WDR44: variants seen among roughly 807,000 people sequenced by gnomAD.
The protein encoded by WDR44 is WD repeat-containing protein 44.
In WDR44, 9 loss-of-function variants were observed where a neutral mutation model predicts 65.7. That is an observed-to-expected ratio of 0.14 (90% CI 0.08 to 0.24). The LOEUF (loss-of-function observed/expected upper bound fraction) is 0.24. WDR44 is among the 10% of genes least tolerant of loss of function. The probability of loss-of-function intolerance (pLI) is 1.00; values close to 1 mark genes in which losing one functional copy is unlikely to be tolerated. For synonymous variants in WDR44, 220 were observed against 235.2 expected (o/e 0.94, Z 0.59); for missense variants, 425 against 670.9 (o/e 0.63, Z 4.05).
chrX:118,393,589 T>G (rs757218119), intron 4 of WDR44, among the ~76,000 whole-genome samples: 47 of 94,092 alleles, frequency 5.0e-4, no homozygotes, highest in Non-Finnish European at 7.4e-4. Context: ...TGAAATCTTG[T>G]CTCAAAAAAA....
At chrX:118,418,496 G>A (rs1005919913) in intron 12 of WDR44, among the ~76,000 whole-genome samples, 2 of 111,441 alleles carry the variant, frequency 1.8e-5, no homozygotes, top group South Asian at 3.8e-4. Context: ...CTCTGAGCTG[G>A]TACTGGAGGT....
intron 1 of WDR44, among the ~76,000 whole-genome samples, chrX:118,363,662 C>T (rs1011965405): frequency 9.0e-6 from 1 of 111,097 alleles, no homozygotes; most frequent in African/African-American, 3.3e-5. Context: ...TTCATAATTA[C>T]GTGTACACAT....
At chrX:118,427,296 A>C (rs898060715) in intron 12 of WDR44, among the ~76,000 whole-genome samples, 1 of 88,512 alleles carries the variant, frequency 1.1e-5, no homozygotes, top group East Asian at 3.6e-4. Context: ...TTGGGGACGG[A>C]GTCTTGCTCT....
intron 1 of WDR44, among the ~76,000 whole-genome samples, chrX:118,349,479 G>A (rs1337575170): frequency 2.7e-5 from 3 of 109,962 alleles, no homozygotes; most frequent in South Asian, 7.7e-4. Flanking sequence ...CTCCCAGGGC[G>A]CTGGGATTAC....
intron 1 of WDR44, among the ~76,000 whole-genome samples, chrX:118,361,731 C>G (rs147102473): frequency 0.013 from 1,495 of 111,635 alleles, 30 homozygotes; most frequent in African/African-American, 0.046. Context: ...GCACTACAGT[C>G]TGGGAAACAG....
rs748449809 is a variant in WDR44 at position 118,387,318 on chromosome X, ATTTC to A, written c.112-18_112-15del. ...GAAAAGATGTCATCATTTGGTCTCT[ATTTC>A]TTTTCTTTTTCAAACAGGAAACAGA... On this transcript the variant is annotated intron_variant, in intron 2 of 19. Transcript: ENST00000254029. 6.2e-6 allele frequency: 7 copies of A among 1,123,675 alleles called. No individual in the cohort carries two copies. The Admixed American group carries it at 1.5e-4, about 24-fold the overall frequency. 92.6% of individuals were successfully genotyped at this position (1,123,675 alleles called of 1,213,427 possible). A position where few individuals can be genotyped will look rare whatever the true frequency, so the allele number is the denominator to read the frequency against.
chrX:118,396,539 TGTTAA>T (rs1279384124), intron 6 of WDR44, among the ~76,000 whole-genome samples: 1 of 112,273 alleles, frequency 8.9e-6, no homozygotes, highest in East Asian at 2.8e-4. Flanking sequence ...GAAAACATCA[TGTTAA>T]GTTAAAGAAA....
At chrX:118,410,110 T>A (rs2147720865) in intron 11 of WDR44, among the ~76,000 whole-genome samples, 1 of 112,364 alleles carries the variant, frequency 8.9e-6, no homozygotes, top group African/African-American at 3.2e-5. Flanking sequence ...CAGATATTTA[T>A]GTATCATGGT....
chrX:118,349,597 G>A (rs1434747095), intron 1 of WDR44, among the ~76,000 whole-genome samples: 4 of 106,280 alleles, frequency 3.8e-5, no homozygotes, highest in African/African-American at 6.9e-5. Flanking sequence ...TCGCTCTGTC[G>A]CCCAGGCTGG....
intron 12 of WDR44, among the ~76,000 whole-genome samples, chrX:118,430,315 T>G (rs5956988): frequency 0.45 from 44,040 of 97,785 alleles, 10,156 homozygotes; most frequent in African/African-American, 0.84. Context: ...AGGCCGAGGC[T>G]GGTGGATCAT....
At chrX:118,448,777 G>A in intron 19 of WDR44, 116 bp from the exon 20 acceptor site, 1 of 409,543 alleles carries the variant, frequency 2.4e-6, no homozygotes, top group Non-Finnish European at 4.2e-6. Context: ...AGACTGAAAA[G>A]GTGGGGAGAT....
At chrX:118,394,502 T>C (rs1398604979) in intron 5 of WDR44, among the ~76,000 whole-genome samples, 2 of 112,260 alleles carry the variant, frequency 1.8e-5, no homozygotes, top group African/African-American at 6.5e-5. Context: ...ATTTGTAATA[T>C]TGTTGGTACT....
chrX:118,421,704 C>G (rs1305365996), intron 12 of WDR44, among the ~76,000 whole-genome samples: 4 of 111,925 alleles, frequency 3.6e-5, no homozygotes, highest in African/African-American at 1.3e-4. Flanking sequence ...CCCAAGATCA[C>G]TCACCTGTGC....
chrX:118,424,811 T>G (rs980603902), intron 12 of WDR44, among the ~76,000 whole-genome samples: 10 of 111,830 alleles, frequency 8.9e-5, no homozygotes, highest in Admixed American at 2.9e-4. Context: ...TTTCCTGTTT[T>G]CTTCTAGGAG....
At chrX:118,384,418 C>T (rs2056748059) in intron 2 of WDR44, among the ~76,000 whole-genome samples, 3 of 111,633 alleles carry the variant, frequency 2.7e-5, no homozygotes, top group East Asian at 5.6e-4. Flanking sequence ...TTCCCAGCAC[C>T]ATTTATTGAG....
chrX:118,352,132 G>A (rs1317858383), intron 1 of WDR44, among the ~76,000 whole-genome samples: 1 of 89,367 alleles, frequency 1.1e-5, no homozygotes, highest in Non-Finnish European at 2.0e-5. Context: ...GATAAAATTT[G>A]TGTTGTTTGT....
intron 1 of WDR44, among the ~76,000 whole-genome samples, chrX:118,358,659 C>G (rs1467653535): frequency 9.0e-6 from 1 of 111,498 alleles, no homozygotes; most frequent in Non-Finnish European, 1.9e-5. Flanking sequence ...GAGCCGAGAT[C>G]GCACCACTGC....
At chrX:118,358,045 C>T (rs1394557688) in intron 1 of WDR44, among the ~76,000 whole-genome samples, 4 of 111,920 alleles carry the variant, frequency 3.6e-5, no homozygotes, top group African/African-American at 6.5e-5. Context: ...TGGTGGTACA[C>T]GCCTGTAGTC....
chrX:118,418,146 C>G (rs1351303114), intron 12 of WDR44, among the ~76,000 whole-genome samples: 3 of 111,722 alleles, frequency 2.7e-5, no homozygotes. Context: ...TGGCGCCTCC[C>G]AGATTAACTT....
Sources: allele counts gnomAD v4.1 joint callset (sites outside exome capture counted in the v4.1 genomes callset), GRCh38; gene constraint gnomAD v4.1.1; transcripts MANE v1.5; gene names NCBI Gene and HGNC (gene_info 2026-07-23, HGNC 2026-07-21).